PHF24: variants seen among roughly 807,000 people sequenced by gnomAD.
PHF24 encodes Galpha inhibitory interacting protein.
Under a neutral mutation model 42.6 loss-of-function variants are expected in PHF24, and 25 were observed. The ratio of observed to expected loss-of-function variants is 0.59; its 90% CI spans 0.43 to 0.82. PHF24 has a LOEUF of 0.82. Ranked by LOEUF, PHF24 falls within the 40% of genes least tolerant of loss-of-function variation. The pLI is 0.00. For missense variants in PHF24, 470 were observed against 538.1 expected, an observed-to-expected ratio of 0.87 and a Z score of 1.25; for synonymous variants, 185 against 204.8, an observed-to-expected ratio of 0.90 and a Z score of 0.83.
At chr9:34,702,401 T>G in the PHF24 span, among the ~76,000 whole-genome samples, 1 of 152,242 alleles carries the variant, frequency 6.6e-6, no homozygotes, top group Non-Finnish European at 1.5e-5. Context: ...GCTTAGGCCT[T>G]CACAAGTGGT....
At chr9:34,842,034 C>G in the PHF24 span, among the ~76,000 whole-genome samples, 1 of 152,184 alleles carries the variant, frequency 6.6e-6, no homozygotes, top group East Asian at 1.9e-4. Flanking sequence ...TATTTTCCAT[C>G]ACTGTAGTTT....
chr9:34,874,506 A>G, the PHF24 span, among the ~76,000 whole-genome samples: 1 of 152,094 alleles, frequency 6.6e-6, no homozygotes, highest in Non-Finnish European at 1.5e-5. Context: ...ACCATTTGAG[A>G]TTTGTTGCTC....
the PHF24 span, chr9:34,724,172 T>G: frequency 2.6e-6 from 4 of 1,551,220 alleles, no homozygotes; most frequent in Non-Finnish European, 3.5e-6. Flanking sequence ...GCCACAGGGT[T>G]CCTCCAGGCT....
At chr9:34,832,786 T>C in the PHF24 span, 2 of 1,551,234 alleles carry the variant, frequency 1.3e-6, no homozygotes, top group Non-Finnish European at 8.7e-7. Flanking sequence ...GTTGGTTGGC[T>C]CAGGAAAGGC....
chr9:34,810,488 C>T, the PHF24 span, among the ~76,000 whole-genome samples: 6 of 152,152 alleles, frequency 3.9e-5, no homozygotes, highest in Non-Finnish European at 7.4e-5. Flanking sequence ...AAGGTGCTCT[C>T]GAGCTGGCTC....
the PHF24 span, among the ~76,000 whole-genome samples, chr9:34,734,915 A>G: frequency 1.3e-5 from 2 of 152,240 alleles, no homozygotes; most frequent in Non-Finnish European, 2.9e-5. Flanking sequence ...AACCAGCCTC[A>G]ACCATAAACA....
the PHF24 span, among the ~76,000 whole-genome samples, chr9:34,704,082 A>G: frequency 2.0e-5 from 3 of 151,294 alleles, no homozygotes; most frequent in African/African-American, 7.3e-5. Context: ...ATGATCAGCT[A>G]TGGTGTGATC....
At chr9:34,730,915 G>A in the PHF24 span, among the ~76,000 whole-genome samples, 13 of 152,216 alleles carry the variant, frequency 8.5e-5, no homozygotes, top group African/African-American at 3.1e-4. Flanking sequence ...GTGGACTGGA[G>A]AGCAATTGTG....
the PHF24 span, chr9:34,725,706 G>A: frequency 7.8e-6 from 12 of 1,542,430 alleles, no homozygotes; most frequent in East Asian, 4.9e-5. Flanking sequence ...GTCAGAAATG[G>A]GACATTGATC....
the PHF24 span, among the ~76,000 whole-genome samples, chr9:34,942,989 T>TA: frequency 2.0e-5 from 3 of 151,922 alleles, no homozygotes; most frequent in East Asian, 5.8e-4. Flanking sequence ...CCCTAGAACT[T>TA]AAAGTATAAT....
chr9:34,886,266 A>AC, the PHF24 span, among the ~76,000 whole-genome samples: 8 of 150,606 alleles, frequency 5.3e-5, no homozygotes, highest in Non-Finnish European at 7.4e-5. Context: ...AAAAAAAAAA[A>AC]AAAAACTCCT....
At chr9:34,757,988 G>A in the PHF24 span, among the ~76,000 whole-genome samples, 13 of 152,264 alleles carry the variant, frequency 8.5e-5, no homozygotes, top group Non-Finnish European at 1.8e-4. Flanking sequence ...CTGGGACATA[G>A]CCATATTGTT....
At chr9:34,724,270 G>A in the PHF24 span, 1 of 1,551,524 alleles carries the variant, frequency 6.4e-7, no homozygotes, top group South Asian at 1.2e-5. Flanking sequence ...TGGAGACCGA[G>A]TGGGCAGAAC....
the PHF24 span, chr9:34,728,683 A>G: frequency 6.5e-7 from 1 of 1,549,702 alleles, no homozygotes; most frequent in African/African-American, 1.4e-5. Flanking sequence ...TAGAATGTGA[A>G]GCTGGGACAC....
the PHF24 span, among the ~76,000 whole-genome samples, chr9:34,798,184 C>T: frequency 6.6e-6 from 1 of 152,206 alleles, no homozygotes; most frequent in South Asian, 2.1e-4. Context: ...GAAAAAGAGT[C>T]AATTTTTCTA....
chr9:34,968,877 C>G (rs1358677710), intron 1 of PHF24, among the ~76,000 whole-genome samples: 1 of 152,158 alleles, frequency 6.6e-6, no homozygotes, highest in African/African-American at 2.4e-5. Context: ...AGTAATCATC[C>G]TATTGAATAT....
chr9:34,709,917 GGGAGCCA>G, the PHF24 span: 1 of 1,614,186 alleles, frequency 6.2e-7, no homozygotes, highest in Non-Finnish European at 8.5e-7. Context: ...GGGATTCACA[GGGAGCCA>G]GGGGCTGCTG....
chr9:34,936,870 C>T, the PHF24 span, among the ~76,000 whole-genome samples: 10 of 150,016 alleles, frequency 6.7e-5, no homozygotes, highest in African/African-American at 2.0e-4. Context: ...CCCCTCCGCC[C>T]GGCAGCCGCC....
the PHF24 span, among the ~76,000 whole-genome samples, chr9:34,864,111 G>T: frequency 6.6e-6 from 1 of 151,996 alleles, no homozygotes; most frequent in Admixed American, 6.6e-5. Context: ...GAATACGAAA[G>T]AATAAAGAAT....
Sources: gnomAD v4.1 joint callset for allele counts (sites outside exome capture counted in the v4.1 genomes callset) on GRCh38, gnomAD v4.1.1 for gene constraint, MANE v1.5 for transcripts, NCBI Gene and HGNC (gene_info 2026-07-23, HGNC 2026-07-21) for gene names.